Variants in FARP2 observed in about 807,000 individuals in gnomAD.
FARP2 encodes FERM, ARH/RhoGEF and pleckstrin domain protein 2.
A neutral mutation model predicts 130.5 loss-of-function variants in FARP2; 111 were observed. The observed-to-expected ratio is 0.85, with a 90% CI of 0.73 to 1.00. The LOEUF (loss-of-function observed/expected upper bound fraction) is 1.00, where lower values mean the gene tolerates loss of function less well. Ranked by LOEUF, FARP2 falls within the 50% of genes least tolerant of loss-of-function variation. The pLI is 0.00. For synonymous variants in FARP2, 504 were observed against 516.9 expected, an observed-to-expected ratio of 0.98 and a Z score of 0.34; for missense variants, 1,385 against 1,346.3, an observed-to-expected ratio of 1.03 and a Z score of -0.45.
intron 13 of FARP2, among the ~76,000 whole-genome samples, chr2:241,449,191 G>A (rs1057384571): frequency 1.3e-5 from 2 of 152,150 alleles, no homozygotes; most frequent in African/African-American, 4.8e-5. Context: ...CGGGCGCGGT[G>A]GCTCACGCCT....
intron 21 of FARP2, among the ~76,000 whole-genome samples, chr2:241,487,189 GT>G (rs925367218): frequency 7.9e-5 from 12 of 152,158 alleles, no homozygotes; most frequent in Non-Finnish European, 1.6e-4. Context: ...CTACAATTTA[GT>G]TTTACCTTGT....
intron 7 of FARP2, among the ~76,000 whole-genome samples, chr2:241,415,989 C>CTCTG (rs764755388): frequency 0.073 from 10,368 of 141,462 alleles, 492 homozygotes; most frequent in Non-Finnish European, 0.11. Context: ...CAGGGTAGTT[C>CTCTG]TGTGTGTGTG....
intron 18 of FARP2, among the ~76,000 whole-genome samples, chr2:241,468,969 T>G (rs1314570250): frequency 6.6e-6 from 1 of 152,250 alleles, no homozygotes; most frequent in Admixed American, 6.5e-5. Flanking sequence ...CTGAGATGAC[T>G]CAGGCATGAG....
chr2:241,362,906 T>A (rs1160791036), intron 1 of FARP2, among the ~76,000 whole-genome samples: 1 of 152,192 alleles, frequency 6.6e-6, no homozygotes, highest in African/African-American at 2.4e-5. Flanking sequence ...CCACTATAAA[T>A]GTATTTTAAA....
intron 21 of FARP2, chr2:241,488,996 T>A (rs2064829044): frequency 6.6e-6 from 1 of 152,262 alleles, no homozygotes; most frequent in Admixed American, 6.5e-5. Flanking sequence ...CCAAGTAATC[T>A]TCTAAGTCAT....
intron 2 of FARP2, among the ~76,000 whole-genome samples, chr2:241,380,353 C>T (rs187174292): frequency 2.0e-5 from 3 of 152,184 alleles, no homozygotes; most frequent in Admixed American, 1.3e-4. Flanking sequence ...CTGTGAGCGC[C>T]AACTCAGAAA....
rs373368398 is a variant in FARP2, at chr2:241,379,479, G to C, written c.183+6189G>C. On this transcript the variant is annotated intron_variant, in intron 2 of 26. Coordinates refer to ENST00000264042, the MANE Select transcript of FARP2 (RefSeq NM_014808.4). Reference sequence around the variant, plus strand: ...CTTTAACATACTCACAGTTGTTAGGGTGGACTTTCCTTTTCTTTCTTTTTT... The same window carrying C: ...CTTTAACATACTCACAGTTGTTAGGCTGGACTTTCCTTTTCTTTCTTTTTT... Among the ~76,000 whole-genome samples the C allele has an allele frequency of 9.8e-5, 15 of 152,298 alleles. No individual in the cohort carries two copies. The East Asian group carries it at 1.5e-3, about 16-fold the overall frequency.
chr2:241,404,957 A>C, intron 4 of FARP2, 116 bp downstream of exon 4: 5 of 725,110 alleles, frequency 6.9e-6, no homozygotes, highest in Non-Finnish European at 1.2e-5. Context: ...AGCAAGAAGT[A>C]ATCACCAATA....
intron 1 of FARP2, among the ~76,000 whole-genome samples, chr2:241,364,527 A>G (rs1361862614): frequency 2.6e-5 from 4 of 152,234 alleles, no homozygotes; most frequent in African/African-American, 9.6e-5. Flanking sequence ...GAAATTTGTT[A>G]AGGCTACAGT....
chr2:241,381,241 C>T (rs1320091789), intron 2 of FARP2, among the ~76,000 whole-genome samples: 1 of 152,158 alleles, frequency 6.6e-6, no homozygotes, highest in African/African-American at 2.4e-5. Context: ...CCACCGCCAG[C>T]CACTTTGTCC....
At chr2:241,409,888 T>G (rs2062470895) in intron 5 of FARP2, among the ~76,000 whole-genome samples, 1 of 152,232 alleles carries the variant, frequency 6.6e-6, no homozygotes, top group African/African-American at 2.4e-5. Context: ...AGAGAAACAT[T>G]GTTCACATAC....
Position 241,436,508 on chromosome 2 carries a change from T to C in FARP2, c.1128T>C (p.Val376=). Reference sequence around the variant, plus strand: ...GGCACAGCAAGACCCACACGTCCGTTCGAGCTCTGACTGCAGACCTACCAA... The same window carrying C: ...GGCACAGCAAGACCCACACGTCCGTCCGAGCTCTGACTGCAGACCTACCAA... The part of the protein sequence containing the change: ...ERRHSKTHTS[V]RALTADLPKQ... Residue 376 remains valine, a synonymous_variant, in exon 12 of 27, where the codon GTT becomes GTC. Transcript: ENST00000264042. The C allele has an allele frequency of 6.2e-7, 1 of 1,614,226 alleles. No homozygotes were observed. Among genetic ancestry groups the C allele is most frequent in the Non-Finnish European group, 8.5e-7 (1 of 1,180,040 alleles).
intron 8 of FARP2, among the ~76,000 whole-genome samples, chr2:241,425,634 TAAAAAAA>T (rs1167925220): frequency 2.2e-4 from 10 of 45,956 alleles, no homozygotes; most frequent in East Asian, 6.9e-4. Flanking sequence ...TCCTACCAAG[TAAAAAAA>T]AAAAAAAAAA....
At position 241,468,229 on chromosome 2, in the gene FARP2, C is replaced by G; in HGVS notation, c.1983C>G (p.Tyr661Ter). The change falls in exon 18 of 27, where the codon TAC (tyrosine) becomes TAG (stop). Residue 661 changes from tyrosine (Y) to a stop codon, truncating the protein, a stop_gained. Coordinates refer to ENST00000264042, the MANE Select transcript of FARP2 (RefSeq NM_014808.4). LOFTEE classifies it high-confidence loss of function. ...GCTGTAAGAAGTTGGAGGCAGTGTA[C>G]AAGGAGTTTGAGCTGCAGAAGGTCT... ...TKRCKKLEAV[Y>*]KEFELQKVCY... 2 of 1,614,080 alleles carry G rather than the reference C, an allele frequency of 1.2e-6. No homozygotes were observed. Among genetic ancestry groups the G allele is most frequent in the African/African-American group, 1.3e-5 (1 of 75,074 alleles).
At chr2:241,415,989 C>CTGTGTG (rs57774022) in intron 7 of FARP2, among the ~76,000 whole-genome samples, 6,419 of 141,588 alleles carry the variant, frequency 0.045, 276 homozygotes, top group African/African-American at 0.096. Flanking sequence ...CAGGGTAGTT[C>CTGTGTG]TGTGTGTGTG....
intron 7 of FARP2, among the ~76,000 whole-genome samples, chr2:241,416,212 G>C (rs1383737429): frequency 1.3e-5 from 2 of 152,082 alleles, no homozygotes; most frequent in South Asian, 2.1e-4. Context: ...TCTTGTGCCT[G>C]TGTCTCTGCA....
intron 13 of FARP2, among the ~76,000 whole-genome samples, chr2:241,452,031 A>G (rs759508153): frequency 2.6e-5 from 4 of 152,260 alleles, no homozygotes; most frequent in Non-Finnish European, 5.9e-5. Flanking sequence ...CTGGGATTAC[A>G]GGCGTAAGCC....
intron 12 of FARP2, among the ~76,000 whole-genome samples, chr2:241,438,634 G>GTTT (rs1207651322): frequency 2.3e-5 from 3 of 127,840 alleles, no homozygotes; most frequent in African/African-American, 5.7e-5. Flanking sequence ...TTTTTTTTTT[G>GTTT]TTTTTTTTTT....
intron 13 of FARP2, among the ~76,000 whole-genome samples, chr2:241,451,709 C>G (rs6760011): frequency 6.6e-6 from 1 of 152,178 alleles, no homozygotes; most frequent in Non-Finnish European, 1.5e-5. Context: ...TAAACATATT[C>G]TGTGGCACCT....
Sources: gnomAD v4.1 joint callset for allele counts (sites outside exome capture counted in the v4.1 genomes callset) on GRCh38, gnomAD v4.1.1 for gene constraint, MANE v1.5 for transcripts, NCBI Gene and HGNC (gene_info 2026-07-23, HGNC 2026-07-21) for gene names.